C16orf96: variants seen among roughly 807,000 people sequenced by gnomAD.
The protein encoded by C16orf96 is chromosome 16 open reading frame 96, also known as uncharacterized protein C16orf96.
In C16orf96, 108 loss-of-function variants were observed where a neutral mutation model predicts 103.6. That is an observed-to-expected ratio of 1.04 (90% CI 0.89 to 1.22). C16orf96 has a LOEUF of 1.22. C16orf96 is among the 50% of genes most tolerant of loss of function. The probability of loss-of-function intolerance (pLI) is 0.00; values close to 1 mark genes in which losing one functional copy is unlikely to be tolerated. For synonymous variants in C16orf96, 566 were observed against 593.5 expected, an observed-to-expected ratio of 0.95 and a Z score of 0.67; for missense variants, 1,586 against 1,464.2, an observed-to-expected ratio of 1.08 and a Z score of -1.36.
chr16:4,567,285 T>C (rs55837868), intron 1 of C16orf96, among the ~76,000 whole-genome samples: 1,506 of 133,938 alleles, frequency 0.011, 9 homozygotes, highest in African/African-American at 0.024. Flanking sequence ...CTTTTCTTTT[T>C]TTTTTTTTTT....
chr16:4,557,984 A>C (rs895011196), intron 1 of C16orf96, among the ~76,000 whole-genome samples: 4 of 152,164 alleles, frequency 2.6e-5, no homozygotes, highest in Non-Finnish European at 5.9e-5. Flanking sequence ...CCCAATTTCT[A>C]AAAAATGCCT....
intron 1 of C16orf96, 23 bp from the exon 2 acceptor site, chr16:4,571,538 C>G: frequency 6.5e-7 from 1 of 1,546,848 alleles, no homozygotes; most frequent in Non-Finnish European, 8.7e-7. Context: ...CCCGGCTTCA[C>G]ATTTTCTCCT....
At position 4,575,290 on chromosome 16, in the gene C16orf96, C is replaced by T. The variant is rs917753507; in HGVS notation, c.810C>T (p.Pro270=). 5.2e-6 allele frequency: 8 copies of T among 1,550,984 alleles called. No homozygotes were observed. The highest frequency in any genetic ancestry group is 4.9e-5 in the East Asian group (2 of 40,910). Residue 270 remains proline (P), a synonymous_variant, in exon 5 of 16, where the codon CCC becomes CCT. Transcript: ENST00000444310. ...CTCGTGCCATCCAGGTCTCCGAGCC[C>T]GTCCAAAACCCCCAGCTACTGCAGA... ...EATRAIQVSE[P]VQNPQLLQTV... is the part of the protein sequence containing the mutation.
At chr16:4,579,231 C>T (rs1268179492) in intron 6 of C16orf96, among the ~76,000 whole-genome samples, 1 of 151,942 alleles carries the variant, frequency 6.6e-6, no homozygotes, top group Non-Finnish European at 1.5e-5. Context: ...TGTGGGGCTA[C>T]ACGGTTCTGT....
intron 14 of C16orf96, among the ~76,000 whole-genome samples, chr16:4,598,266 A>C (rs1187679385): frequency 1.3e-5 from 2 of 152,168 alleles, no homozygotes; most frequent in Non-Finnish European, 2.9e-5. Flanking sequence ...CGGGAGGATC[A>C]CTTGAGCCCA....
intron 14 of C16orf96, among the ~76,000 whole-genome samples, chr16:4,598,159 C>T (rs1216113565): frequency 6.6e-6 from 1 of 151,984 alleles, no homozygotes; most frequent in Admixed American, 6.6e-5. Context: ...CGAGACCAAC[C>T]TGGGCAACAT....
chr16:4,586,846 G>A (rs944488915), intron 7 of C16orf96, among the ~76,000 whole-genome samples, 193 bp from the exon 8 acceptor site: 1 of 152,178 alleles, frequency 6.6e-6, no homozygotes, highest in Non-Finnish European at 1.5e-5. Context: ...GTCCCAAGTC[G>A]CACGTTCCTT....
chr16:4,584,628 G>A (rs1224862331), intron 7 of C16orf96, among the ~76,000 whole-genome samples: 5 of 151,970 alleles, frequency 3.3e-5, no homozygotes, highest in Admixed American at 6.6e-5. Context: ...TCTGCCTCCC[G>A]GGTTCAAGTG....
At chr16:4,597,073 G>A (rs1897188307) in intron 14 of C16orf96, among the ~76,000 whole-genome samples, 1 of 101,298 alleles carries the variant, frequency 9.9e-6, no homozygotes, top group East Asian at 3.1e-4. Context: ...GCTTCTAGGA[G>A]ATGTATCTTT....
rs901323308 is a variant in C16orf96 at position 4,556,897 on chromosome 16, A to C, written c.408A>C (p.Glu136Asp). Residue 136 changes from glutamate (E) to aspartate (D), a missense_variant, in exon 1 of 16, where the codon GAA becomes GAC. Glu to Asp is a conservative substitution (Grantham distance 45). Coordinates refer to ENST00000444310, the MANE Select transcript of C16orf96 (RefSeq NM_001145011.2). ...GGAAGATGGTGGAGGGTCATGATGA[A>C]GTCATGGCCAAGGTACGCCCCCAGC... Reference protein sequence around the residue: ...KLRKMVEGHDEVMAKSMQTLQ... With the variant: ...KLRKMVEGHDDVMAKSMQTLQ... The C allele has an allele frequency of 3.2e-6, 5 of 1,542,078 alleles. No homozygotes were observed. The highest frequency in any genetic ancestry group is 1.7e-4 in the Middle Eastern group (1 of 5,984).
chr16:4,587,500 C>G (rs180882700), intron 8 of C16orf96, among the ~76,000 whole-genome samples: 1 of 148,806 alleles, frequency 6.7e-6, no homozygotes, highest in Non-Finnish European at 1.5e-5. Flanking sequence ...TGCACTCCAG[C>G]CTGGGCAACA....
upstream of C16orf96, among the ~76,000 whole-genome samples, chr16:4,556,279 G>T (rs550842993): frequency 2.0e-5 from 3 of 152,044 alleles, no homozygotes; most frequent in Non-Finnish European, 2.9e-5. Flanking sequence ...TTTGAATTGC[G>T]CCCGTTTCAT....
At chr16:4,563,150 C>G (rs2059350006) in intron 1 of C16orf96, 1 of 773,042 alleles carries the variant, frequency 1.3e-6, no homozygotes, top group Non-Finnish European at 2.3e-6. Flanking sequence ...GTCAGAATCA[C>G]TGCCAGAAGA....
At position 4,567,692 on chromosome 16, in the gene C16orf96, C is replaced by CTTTTT. The variant is rs60143866; in HGVS notation, c.421-3848_421-3844dup. Among the ~76,000 whole-genome samples, 71 of 44,538 alleles carry CTTTTT rather than the reference C, an allele frequency of 1.6e-3. 6 individuals are homozygous for CTTTTT. Among genetic ancestry groups the CTTTTT allele is most frequent in the African/African-American group, 4.4e-3 (51 of 11,600 alleles). 29.2% of individuals were successfully genotyped at this position (44,538 alleles called of 152,430 possible). A position where few individuals can be genotyped will look rare whatever the true frequency, so the allele number is the denominator to read the frequency against. ...AATTTTCAATAGTTTCTTCTGTTGCCTTTTTTTTTTTTTTTTTTTTTTTTT... is the reference window on the plus strand; with the variant it reads ...AATTTTCAATAGTTTCTTCTGTTGCCTTTTTTTTTTTTTTTTTTTTTTTTTTTTTT... On this transcript the variant is annotated intron_variant, in intron 1 of 15. Transcript: ENST00000444310.
the C16orf96 span, among the ~76,000 whole-genome samples, chr16:4,542,931 G>C: frequency 5.3e-5 from 8 of 152,260 alleles, no homozygotes; most frequent in South Asian, 1.7e-3. Flanking sequence ...CATATGGCTT[G>C]TGGCTACTGT....
At chr16:4,539,381 A>G in the C16orf96 span, among the ~76,000 whole-genome samples, 1 of 152,342 alleles carries the variant, frequency 6.6e-6, no homozygotes, top group African/African-American at 2.4e-5. Flanking sequence ...GTTAGCTACA[A>G]GATTAGACAT....
intron 7 of C16orf96, among the ~76,000 whole-genome samples, chr16:4,585,523 G>A (rs370444502): frequency 3.9e-5 from 6 of 152,262 alleles, no homozygotes; most frequent in Middle Eastern, 3.4e-3. Flanking sequence ...GCAAAGAAAC[G>A]AGCCCAAGCC....
intron 1 of C16orf96, among the ~76,000 whole-genome samples, chr16:4,568,115 G>A (rs1192724540): frequency 6.6e-6 from 1 of 152,034 alleles, no homozygotes; most frequent in Non-Finnish European, 1.5e-5. Flanking sequence ...ATGTTGCCCA[G>A]GCTGGTCTGG....
intron 7 of C16orf96, among the ~76,000 whole-genome samples, chr16:4,581,889 G>C (rs1301114914): frequency 5.3e-5 from 8 of 152,040 alleles, no homozygotes; most frequent in Non-Finnish European, 1.2e-4. Context: ...ATGGGAGGTT[G>C]AGGCTGCAGT....
Sources: allele counts gnomAD v4.1 joint callset (sites outside exome capture counted in the v4.1 genomes callset), GRCh38; gene constraint gnomAD v4.1.1; transcripts MANE v1.5; gene names NCBI Gene and HGNC (gene_info 2026-07-23, HGNC 2026-07-21).